The following LHFPL2 variants were observed in gnomAD, a reference collection of about 807,000 sequenced individuals.
LHFPL2 encodes the protein LHFPL tetraspan subfamily member 2 protein.
In LHFPL2, 7 loss-of-function variants were observed where a neutral mutation model predicts 17.5. The ratio of observed to expected loss-of-function variants is 0.40; its 90% CI spans 0.23 to 0.75. LHFPL2 has a LOEUF of 0.75. Among genes scored for constraint, LHFPL2 ranks in the 30% least tolerant of loss-of-function variants. The pLI is 0.37. For synonymous variants in LHFPL2, 134 were observed against 116.2 expected, an observed-to-expected ratio of 1.15 and a Z score of -0.99; for missense variants, 241 against 294.8, an observed-to-expected ratio of 0.82 and a Z score of 1.34.
intron 4 of LHFPL2, among the ~76,000 whole-genome samples, chr5:78,498,554 C>G (rs1055286012): frequency 6.6e-6 from 1 of 152,172 alleles, no homozygotes; most frequent in Non-Finnish European, 1.5e-5. Context: ...AACTGTCAGA[C>G]AGTCTGAAGA....
At chr5:78,490,530 A>T (rs1754403833) in intron 4 of LHFPL2, among the ~76,000 whole-genome samples, 1 of 152,118 alleles carries the variant, frequency 6.6e-6, no homozygotes, top group African/African-American at 2.4e-5. Context: ...AGGTGGGTGG[A>T]TCACGAGGTC....
At chr5:78,514,690 G>A (rs1371550106) in intron 3 of LHFPL2, among the ~76,000 whole-genome samples, 1 of 152,128 alleles carries the variant, frequency 6.6e-6, no homozygotes, top group Non-Finnish European at 1.5e-5. Context: ...AAGAATGAGG[G>A]AAACCTGAAG....
intron 2 of LHFPL2, among the ~76,000 whole-genome samples, chr5:78,580,169 G>A (rs1400190699): frequency 6.6e-6 from 1 of 152,094 alleles, no homozygotes; most frequent in Non-Finnish European, 1.5e-5. Context: ...GTCTGTTCAT[G>A]TCCTTCACCC....
At chr5:78,637,340 C>T (rs1324037511) in intron 1 of LHFPL2, among the ~76,000 whole-genome samples, 1 of 138,094 alleles carries the variant, frequency 7.2e-6, no homozygotes, top group Non-Finnish European at 1.5e-5. Flanking sequence ...TCTAGTTAAA[C>T]TTATGGAATA....
intron 3 of LHFPL2, among the ~76,000 whole-genome samples, chr5:78,550,792 A>G (rs1301202561): frequency 1.3e-5 from 2 of 152,130 alleles, no homozygotes; most frequent in South Asian, 2.1e-4. Flanking sequence ...GCTGGTCTGG[A>G]ACTCCTCATC....
At chr5:78,500,512 T>TACCCTACA (rs1282644047) in intron 4 of LHFPL2, among the ~76,000 whole-genome samples, 2 of 152,148 alleles carry the variant, frequency 1.3e-5, no homozygotes. Flanking sequence ...CAAGATCTCT[T>TACCCTACA]CCTTCCACCC....
chr5:78,605,523 C>T (rs1406364021), intron 2 of LHFPL2, among the ~76,000 whole-genome samples: 1 of 152,156 alleles, frequency 6.6e-6, no homozygotes, highest in Non-Finnish European at 1.5e-5. Flanking sequence ...GTCATTATTA[C>T]CAACCCCATG....
intron 3 of LHFPL2, among the ~76,000 whole-genome samples, chr5:78,516,363 G>T (rs545786228): frequency 3.9e-5 from 6 of 152,104 alleles, no homozygotes; most frequent in Non-Finnish European, 8.8e-5. Context: ...TGAAGCTATG[G>T]TTCCCAATTA....
At chr5:78,636,614 G>T (rs1255024897) in intron 1 of LHFPL2, among the ~76,000 whole-genome samples, 1 of 152,132 alleles carries the variant, frequency 6.6e-6, no homozygotes, top group Non-Finnish European at 1.5e-5. Context: ...ATCCATTTCT[G>T]GTCATCCATT....
Position 78,487,801 on chromosome 5 carries a change from A to C in LHFPL2, c.*1096T>G, listed in dbSNP as rs530959187. ...TTGGCTGCAGTTCTTCAGTTGCAGC[A>C]ATTTAATGTTATCTCAGTCTGCTTT... On this transcript the variant is annotated 3_prime_UTR_variant, in exon 5 of 5. Transcript: ENST00000380345. 6.6e-6 allele frequency: 1 copy of C among 152,338 alleles called. No homozygotes were observed. Among genetic ancestry groups the C allele is most frequent in the Admixed American group, 6.5e-5 (1 of 15,308 alleles). 9.4% of individuals were successfully genotyped at this position (152,338 alleles called of 1,614,324 possible). A position where few individuals can be genotyped will look rare whatever the true frequency, so the allele number is the denominator to read the frequency against.
chr5:78,506,827 A>G (rs867892140), intron 4 of LHFPL2, among the ~76,000 whole-genome samples: 35 of 152,324 alleles, frequency 2.3e-4, no homozygotes, highest in South Asian at 8.3e-4. Context: ...CAGCAGTCAA[A>G]CTATGCAGGA....
At chr5:78,531,279 G>C (rs980522826) in intron 3 of LHFPL2, among the ~76,000 whole-genome samples, 2 of 152,104 alleles carry the variant, frequency 1.3e-5, no homozygotes, top group African/African-American at 4.8e-5. Context: ...GCCGGGCATG[G>C]TGGTGCATGC....
At chr5:78,619,443 T>G (rs192312188) in intron 2 of LHFPL2, among the ~76,000 whole-genome samples, 2 of 151,806 alleles carry the variant, frequency 1.3e-5, no homozygotes, top group Non-Finnish European at 2.9e-5. Context: ...ACTCATCCTT[T>G]AGAGTTTACA....
intron 2 of LHFPL2, among the ~76,000 whole-genome samples, chr5:78,614,457 C>T (rs1487082369): frequency 1.3e-5 from 2 of 152,198 alleles, no homozygotes; most frequent in African/African-American, 4.8e-5. Context: ...TTCTAAGCTC[C>T]ACCTCTGGAA....
At chr5:78,568,431 G>C (rs954466626) in intron 2 of LHFPL2, among the ~76,000 whole-genome samples, 1 of 152,206 alleles carries the variant, frequency 6.6e-6, no homozygotes, top group Non-Finnish European at 1.5e-5. Flanking sequence ...CAGAGAACAC[G>C]GCCCCCACGT....
intron 2 of LHFPL2, among the ~76,000 whole-genome samples, chr5:78,581,156 G>C (rs1030327860): frequency 1.2e-4 from 18 of 152,228 alleles, no homozygotes; most frequent in African/African-American, 4.1e-4. Context: ...TTTGTCTGTT[G>C]TTGGTGTATA....
intron 2 of LHFPL2, among the ~76,000 whole-genome samples, chr5:78,593,641 T>C (rs1403668161): frequency 6.6e-6 from 1 of 152,128 alleles, no homozygotes; most frequent in Non-Finnish European, 1.5e-5. Flanking sequence ...AATGATGTAT[T>C]TATAGTACAT....
rs545582155 is a variant in LHFPL2 at position 78,502,009 on chromosome 5, A to G, written c.430+7775T>C. Among the ~76,000 whole-genome samples, 4 of 152,320 alleles carry G rather than the reference A, an allele frequency of 2.6e-5. No homozygotes were observed. The South Asian group carries it at 8.3e-4, about 32-fold the overall frequency. ...TTTTCAAGTGTCAATTAAAAAAAAA[A>G]GAAGCTTGCATTAATGCTTTTGCTG... On this transcript the variant is annotated intron_variant, in intron 4 of 4. Transcript: ENST00000380345.
intron 2 of LHFPL2, among the ~76,000 whole-genome samples, chr5:78,589,329 G>C (rs1232679974): frequency 6.6e-6 from 1 of 151,916 alleles, no homozygotes; most frequent in African/African-American, 2.4e-5. Flanking sequence ...AAATTAGCTG[G>C]GCATGGTGGC....
Sources: allele counts gnomAD v4.1 joint callset (sites outside exome capture counted in the v4.1 genomes callset), GRCh38; gene constraint gnomAD v4.1.1; transcripts MANE v1.5; gene names NCBI Gene and HGNC (gene_info 2026-07-23, HGNC 2026-07-21).